Variants in PRKCE observed in about 807,000 individuals in gnomAD.
PRKCE encodes the protein protein kinase C epsilon type.
In PRKCE, 16 loss-of-function variants were observed where a neutral mutation model predicts 85.4. The ratio of observed to expected loss-of-function variants is 0.19; its 90% CI spans 0.13 to 0.28. The LOEUF is 0.28. PRKCE is among the 10% of genes least tolerant of loss of function. The pLI is 1.00. For missense variants in PRKCE, 573 were observed against 975.2 expected, an observed-to-expected ratio of 0.59 and a Z score of 5.49; for synonymous variants, 388 against 371.5, an observed-to-expected ratio of 1.04 and a Z score of -0.51.
chr2:46,001,160 C>A lies in PRKCE; in HGVS notation c.824-244C>A, dbSNP rs1003229938. 8.6e-5 allele frequency among the ~76,000 whole-genome samples: 13 copies of A among 151,658 alleles called. No individual in the cohort carries two copies. Among genetic ancestry groups the A allele is most frequent in the African/African-American group, 3.2e-4 (13 of 41,236 alleles). On this transcript the variant is annotated intron_variant, in intron 6 of 14. Coordinates refer to ENST00000306156, the MANE Select transcript of PRKCE (RefSeq NM_005400.3). The surrounding 1 kb of genome is among the most constrained non-coding windows in gnomAD (Gnocchi z 4.4). Reference sequence around the variant, plus strand: ...CTTACTTATCTATATTTAGGGTATACGTAGAAAGGATGGCTGGAATGAAGT... The same window carrying A: ...CTTACTTATCTATATTTAGGGTATAAGTAGAAAGGATGGCTGGAATGAAGT...
At chr2:46,144,027 C>T (rs1038452861) in intron 11 of PRKCE, among the ~76,000 whole-genome samples, 2 of 152,196 alleles carry the variant, frequency 1.3e-5, no homozygotes, top group East Asian at 1.9e-4. Flanking sequence ...ATGGCTGTTG[C>T]GGGGAGCCCA....
At chr2:46,024,925 T>C (rs1706980334) in intron 10 of PRKCE, among the ~76,000 whole-genome samples, 1 of 152,228 alleles carries the variant, frequency 6.6e-6, no homozygotes, top group South Asian at 2.1e-4. Flanking sequence ...GGTGAAATAC[T>C]TCTACCATCC....
rs542072727 is a variant in PRKCE, at chr2:46,099,489, T to G, written c.1592+13127T>G. Among the ~76,000 whole-genome samples the G allele has an allele frequency of 5.6e-5, 8 of 143,840 alleles. No individual in the cohort carries two copies. In the East Asian group the frequency reaches 1.7e-3, roughly 31 times the overall value. The allele number at this position is 143,840 out of a possible 152,430, so 94.4% of individuals were successfully genotyped here. On this transcript the variant is annotated intron_variant, in intron 11 of 14. Coordinates refer to ENST00000306156, the MANE Select transcript of PRKCE (RefSeq NM_005400.3). ...AGGAATACCATACCTTTTCCTGGAA[T>G]AAGGTATGGTATTTTTTTTTTTTTT...
In PRKCE at chr2:45,923,147, G is replaced by C. The variant is rs562970112; in HGVS notation, c.413-53282G>C. Among the ~76,000 whole-genome samples, 7 of 152,188 alleles carry C rather than the reference G, an allele frequency of 4.6e-5. No homozygotes were observed. In the East Asian group the frequency reaches 1.3e-3, roughly 29 times the overall value. On this transcript the variant is annotated intron_variant, in intron 2 of 14. Coordinates refer to ENST00000306156, the MANE Select transcript of PRKCE (RefSeq NM_005400.3). ...GTGTATCTGCATGGGGAGAAATAGAGGAGTAGGCCTTGCTGAGTGGAGAGC... is the reference window on the plus strand; with the variant it reads ...GTGTATCTGCATGGGGAGAAATAGACGAGTAGGCCTTGCTGAGTGGAGAGC...
intron 1 of PRKCE, among the ~76,000 whole-genome samples, chr2:45,748,813 G>C (rs1287913789): frequency 2.6e-5 from 4 of 152,150 alleles, no homozygotes; most frequent in African/African-American, 9.7e-5. Context: ...AGAGCAATGA[G>C]AGATGTTGTG....
At position 45,885,002 on chromosome 2, in the gene PRKCE, T is replaced by TTGTTG. The variant is rs1553440408; in HGVS notation, c.412+41940_412+41941insGTTGT. Among the ~76,000 whole-genome samples the TTGTTG allele has an allele frequency of 3.4e-3, 330 of 97,662 alleles. 18 individuals are homozygous for TTGTTG. Among genetic ancestry groups the TTGTTG allele is most frequent in the Admixed American group, 6.1e-3 (53 of 8,636 alleles). 64.1% of individuals were successfully genotyped at this position (97,662 alleles called of 152,430 possible). A position where few individuals can be genotyped will look rare whatever the true frequency, so the allele number is the denominator to read the frequency against. The stretch of plus-strand genomic sequence containing the variant: ...ATATATATATATATATATATATATA[T>TTGTTG]TTGTTGTTGTTGTTGTTGTTTTACC... On this transcript the variant is annotated intron_variant, in intron 2 of 14. Transcript: ENST00000306156.
At position 46,041,910 on chromosome 2, in the gene PRKCE, C is replaced by T. The variant is rs551791708; in HGVS notation, c.1437+31393C>T. 2.4e-3 allele frequency among the ~76,000 whole-genome samples: 371 copies of T among 152,262 alleles called. No homozygotes were observed. The highest frequency in any genetic ancestry group is 8.5e-3 in the African/African-American group (354 of 41,552). On this transcript the variant is annotated intron_variant, in intron 10 of 14. Coordinates refer to ENST00000306156, the MANE Select transcript of PRKCE (RefSeq NM_005400.3). This position sits in a 1 kb window ranked among gnomAD's most constrained non-coding sequence, Gnocchi z 5.5. ...CACTGGAAACTTACCATGAGCAATTCTTTTCAGAGGTTAGCTTTTAGTTAT... is the reference window on the plus strand; with the variant it reads ...CACTGGAAACTTACCATGAGCAATTTTTTTCAGAGGTTAGCTTTTAGTTAT...
intron 10 of PRKCE, among the ~76,000 whole-genome samples, chr2:46,082,920 A>G (rs943820256): frequency 1.3e-5 from 2 of 152,140 alleles, no homozygotes; most frequent in African/African-American, 4.8e-5. Context: ...CTTCATGAGA[A>G]TTCTGTAAGG....
intron 1 of PRKCE, among the ~76,000 whole-genome samples, chr2:45,751,535 C>T (rs1056629988): frequency 6.6e-6 from 1 of 152,052 alleles, no homozygotes; most frequent in African/African-American, 2.4e-5. Flanking sequence ...ATGTATAACT[C>T]TTGTTTCTCT....
At chr2:46,179,384 T>G (rs1453687205) in intron 14 of PRKCE, among the ~76,000 whole-genome samples, 2 of 151,708 alleles carry the variant, frequency 1.3e-5, no homozygotes, top group African/African-American at 4.8e-5. Flanking sequence ...AGCCGCTGAG[T>G]CTCTAGGCCT....
rs116510689 is a variant in PRKCE, at chr2:46,139,353, A to G, written c.1593-5740A>G. On this transcript the variant is annotated intron_variant, in intron 11 of 14. Transcript: ENST00000306156. The surrounding 1 kb of genome is among the most constrained non-coding windows in gnomAD (Gnocchi z 5.2). ...CACAGAATGATAAACATAAATCAATACCTAGCCTATACATGTGTGAGCAGA... is the reference window on the plus strand; with the variant it reads ...CACAGAATGATAAACATAAATCAATGCCTAGCCTATACATGTGTGAGCAGA... Among the ~76,000 whole-genome samples the G allele has an allele frequency of 7.6e-3, 1,161 of 152,292 alleles. 13 individuals carry two copies. Among genetic ancestry groups the G allele is most frequent in the African/African-American group, 0.027 (1,132 of 41,548 alleles).
intron 1 of PRKCE, among the ~76,000 whole-genome samples, chr2:45,676,461 G>A (rs188473679): frequency 6.6e-6 from 1 of 152,320 alleles, no homozygotes; most frequent in East Asian, 1.9e-4. Flanking sequence ...TCAGAATGAC[G>A]TCAATAAGGA....
chr2:46,159,509 G>C lies in PRKCE; in HGVS notation c.1921-97G>C. On this transcript the variant is annotated intron_variant, in intron 13 of 14. Coordinates refer to ENST00000306156, the MANE Select transcript of PRKCE (RefSeq NM_005400.3). This position sits in a 1 kb window ranked among gnomAD's most constrained non-coding sequence, Gnocchi z 4.1. The stretch of plus-strand genomic sequence containing the variant: ...GCAAAGAACAGACTTGGGAGGCGAT[G>C]CTGAAGATGCTGCTTTGGCTGACCT... The C allele has an allele frequency of 7.5e-7, 1 of 1,327,472 alleles. No individual in the cohort carries two copies. The highest frequency in any genetic ancestry group is 2.5e-5 in the East Asian group (1 of 39,342). The allele number at this position is 1,327,472 out of a possible 1,614,324, so 82.2% of individuals were successfully genotyped here. A position where few individuals can be genotyped will look rare whatever the true frequency, so the allele number is the denominator to read the frequency against.
In PRKCE at chr2:45,737,988, T is replaced by C. The variant is rs938830982; in HGVS notation, c.348+85540T>C. On this transcript the variant is annotated intron_variant, in intron 1 of 14. Coordinates refer to ENST00000306156, the MANE Select transcript of PRKCE (RefSeq NM_005400.3). ...CCCTTTGTTTCATTCCTTTTCCCCA[T>C]GTGCTCAACACCTCCTGGCAGGTCC... Among the ~76,000 whole-genome samples the C allele has an allele frequency of 2.0e-5, 3 of 152,206 alleles. No homozygotes were observed. The East Asian group carries it at 5.8e-4, about 29-fold the overall frequency.
chr2:45,710,458 A>G (rs986698465), intron 1 of PRKCE, among the ~76,000 whole-genome samples: 5 of 152,086 alleles, frequency 3.3e-5, no homozygotes, highest in African/African-American at 1.2e-4. Flanking sequence ...CTGCTTCTGA[A>G]TCTCAGTCCT....
chr2:45,933,737 A>G (rs1349791669), intron 2 of PRKCE, among the ~76,000 whole-genome samples: 1 of 152,078 alleles, frequency 6.6e-6, no homozygotes, highest in African/African-American at 2.4e-5. Context: ...CGGCCTCCCA[A>G]GGTGCTGGGA....
chr2:45,988,436 A>T (rs1300582299), intron 6 of PRKCE, among the ~76,000 whole-genome samples: 3 of 152,114 alleles, frequency 2.0e-5, no homozygotes. Flanking sequence ...GAGCATAATT[A>T]TGTCTGCTTT....
intron 10 of PRKCE, among the ~76,000 whole-genome samples, chr2:46,033,743 A>G (rs988267551): frequency 1.3e-5 from 2 of 152,246 alleles, no homozygotes; most frequent in Admixed American, 1.3e-4. Context: ...TAAGCAGTGC[A>G]GGATTCGATA....
intron 11 of PRKCE, among the ~76,000 whole-genome samples, chr2:46,129,608 G>A (rs1302219876): frequency 6.6e-6 from 1 of 152,230 alleles, no homozygotes; most frequent in Non-Finnish European, 1.5e-5. Flanking sequence ...TGAGGAGCCT[G>A]TGGGCAGCCT....
Sources: allele counts gnomAD v4.1 joint callset (sites outside exome capture counted in the v4.1 genomes callset), GRCh38; gene constraint gnomAD v4.1.1; non-coding constraint Gnocchi (gnomAD v3.1); transcripts MANE v1.5; gene names NCBI Gene and HGNC (gene_info 2026-07-23, HGNC 2026-07-21).